Variants in NACC2 observed in about 807,000 individuals in gnomAD.
The protein encoded by NACC2 is nucleus accumbens-associated protein 2.
A neutral mutation model predicts 25.1 loss-of-function variants in NACC2; 8 were observed. The ratio of observed to expected loss-of-function variants is 0.32; its 90% CI spans 0.19 to 0.57. NACC2 has a LOEUF of 0.57. Among genes scored for constraint, NACC2 ranks in the 20% least tolerant of loss-of-function variants. The probability of loss-of-function intolerance (pLI) is 0.89; values close to 1 mark genes in which losing one functional copy is unlikely to be tolerated. For synonymous variants in NACC2, 435 were observed against 294.7 expected, an observed-to-expected ratio of 1.48 and a Z score of -4.88; for missense variants, 644 against 650.2, an observed-to-expected ratio of 0.99 and a Z score of 0.10.
chr9:136,033,939 GT>G (rs1840513849), intron 2 of NACC2, among the ~76,000 whole-genome samples: 1 of 149,592 alleles, frequency 6.7e-6, no homozygotes, highest in Admixed American at 6.7e-5. Flanking sequence ...GTGTGTGTGT[GT>G]GAGATATTTG....
In NACC2 at chr9:136,010,802, G is replaced by A. The variant is rs2037936335; in HGVS notation, c.*714C>T. ...GTCAGCGGTGCCCTGGGGGTCAGGG[G>A]ACCGAGGGGCTGCAGAGCCGAGACG... On this transcript the variant is annotated 3_prime_UTR_variant, in exon 6 of 6. Transcript: ENST00000277554. This position sits in a 1 kb window ranked among gnomAD's most constrained non-coding sequence, Gnocchi z 4.9. 1 of 152,364 alleles carries A rather than the reference G, an allele frequency of 6.6e-6. No homozygotes were observed. Among genetic ancestry groups the A allele is most frequent in the Admixed American group, 6.5e-5 (1 of 15,292 alleles). The allele number at this position is 152,364 out of a possible 1,614,324, so 9.4% of individuals were successfully genotyped here.
chr9:136,074,756 C>T (rs1830240960), intron 1 of NACC2, among the ~76,000 whole-genome samples: 1 of 152,126 alleles, frequency 6.6e-6, no homozygotes, highest in African/African-American at 2.4e-5. Flanking sequence ...CCCTGTGACT[C>T]CCAGAGGGCC....
chr9:136,041,524 G>A (rs1245497643), intron 2 of NACC2, among the ~76,000 whole-genome samples: 2 of 152,084 alleles, frequency 1.3e-5, no homozygotes, highest in Non-Finnish European at 2.9e-5. Context: ...TATATCATAC[G>A]ATTCCATTGA....
intron 3 of NACC2, 101 bp downstream of exon 3, chr9:136,016,164 A>G (rs1840200417): frequency 7.8e-7 from 1 of 1,289,228 alleles, no homozygotes; most frequent in Admixed American, 2.4e-5. Context: ...TTTTTTTTTG[A>G]CTGATTGGTG....
At chr9:136,094,644 G>A (rs976362778) in intron 1 of NACC2, among the ~76,000 whole-genome samples, 24 of 152,112 alleles carry the variant, frequency 1.6e-4, no homozygotes, top group African/African-American at 5.5e-4. Flanking sequence ...AGGCGCGGGA[G>A]GCGGTGACGA....
Position 136,049,597 on chromosome 9 carries a change from C to T in NACC2, c.886+39G>A, listed in dbSNP as rs1253049603. On this transcript the variant is annotated intron_variant, in intron 2 of 5. Transcript: ENST00000277554. ...CCCGGGTCCCAGGCAGGCCCCGCTT[C>T]CCAGCCAGGTGGTGTGGGGCTCCAC... 4 of 751,542 alleles carry T rather than the reference C, an allele frequency of 5.3e-6. No individual in the cohort carries two copies. The African/African-American group carries it at 6.9e-5, about 13-fold the overall frequency. 46.6% of individuals were successfully genotyped at this position (751,542 alleles called of 1,614,324 possible).
chr9:136,048,475 C>A (rs879116866), intron 2 of NACC2, among the ~76,000 whole-genome samples: 1 of 152,228 alleles, frequency 6.6e-6, no homozygotes, highest in Non-Finnish European at 1.5e-5. Context: ...CCCCCTACCA[C>A]TAAAAGAAAA....
chr9:136,036,961 A>T (rs1051637791), intron 2 of NACC2, among the ~76,000 whole-genome samples: 12 of 152,254 alleles, frequency 7.9e-5, no homozygotes, highest in African/African-American at 2.9e-4. Context: ...AAATTACTGC[A>T]AACATGAGAT....
chr9:136,034,268 A>T (rs1409187326), intron 2 of NACC2, among the ~76,000 whole-genome samples: 2 of 152,214 alleles, frequency 1.3e-5, no homozygotes, highest in African/African-American at 2.4e-5. Context: ...GCCCTGGATC[A>T]CAGCACACAC....
rs1332199950 is a variant in NACC2, at chr9:136,019,757, G to A, written c.887-3328C>T. ...GCAAACACAAGGACAAATGCTGCCC[G>A]GGGCGCGGGGTTGGGGCCTTCAGGG... On this transcript the variant is annotated intron_variant, in intron 2 of 5. Coordinates refer to ENST00000277554, the MANE Select transcript of NACC2 (RefSeq NM_144653.5). The surrounding 1 kb of genome is among the most constrained non-coding windows in gnomAD (Gnocchi z 5.2). 6.6e-6 allele frequency among the ~76,000 whole-genome samples: 1 copy of A among 152,112 alleles called. No homozygotes were observed. Among genetic ancestry groups the A allele is most frequent in the Non-Finnish European group, 1.5e-5 (1 of 68,014 alleles).
chr9:136,017,806 G>C (rs921269320), intron 2 of NACC2, among the ~76,000 whole-genome samples: 1 of 115,874 alleles, frequency 8.6e-6, no homozygotes, highest in Non-Finnish European at 1.8e-5. Context: ...GCCTTCACTA[G>C]GGAATCAATC....
Position 136,013,686 on chromosome 9 carries a change from C to T in NACC2, c.1157+178G>A, listed in dbSNP as rs1840149671. ...TTGAGAAAGGCCACGAAAGACAGCC[C>T]CTCCCTCCCTCCCTGGGAGCCTCTC... is the stretch of plus-strand genomic sequence containing the variant. On this transcript the variant is annotated intron_variant, in intron 4 of 5. Transcript: ENST00000277554. The surrounding 1 kb of genome is among the most constrained non-coding windows in gnomAD (Gnocchi z 6.6). Among the ~76,000 whole-genome samples the T allele has an allele frequency of 6.6e-6, 1 of 152,112 alleles. No individual in the cohort carries two copies. Among genetic ancestry groups the T allele is most frequent in the African/African-American group, 2.4e-5 (1 of 41,414 alleles).
In NACC2 at chr9:136,018,663, T is replaced by C. The variant is rs1214784708; in HGVS notation, c.887-2234A>G. ...CCAGAAAGGGGGCCTCAAAGGTGGGTGCACAGCCCCTGCCCGGCCACTACA... is the reference window on the plus strand; with the variant it reads ...CCAGAAAGGGGGCCTCAAAGGTGGGCGCACAGCCCCTGCCCGGCCACTACA... On this transcript the variant is annotated intron_variant, in intron 2 of 5. Transcript: ENST00000277554. The surrounding 1 kb of genome is among the most constrained non-coding windows in gnomAD (Gnocchi z 4.4). Among the ~76,000 whole-genome samples, 1 of 151,784 alleles carries C rather than the reference T, an allele frequency of 6.6e-6. No homozygotes were observed. The highest frequency in any genetic ancestry group is 1.5e-5 in the Non-Finnish European group (1 of 67,940).
At chr9:136,033,894 GGTGTGTGTGTGTGTGTGTGTGTGTGTGT>G (rs57460855) in intron 2 of NACC2, among the ~76,000 whole-genome samples, 1 of 136,950 alleles carries the variant, frequency 7.3e-6, no homozygotes, top group African/African-American at 2.8e-5. Context: ...AATTCCAGCA[GGTGTGTGTGTGTGTGTGTGTGTGTGTGT>G]GTGTGTGTGT....
Position 136,011,693 on chromosome 9 carries a change from G to A in NACC2, c.1587C>T (p.Gly529=), listed in dbSNP as rs756685962. The A allele has an allele frequency of 2.1e-4, 311 of 1,477,960 alleles. 3 individuals carry two copies. The East Asian group carries it at 7.1e-3, about 34-fold the overall frequency. 91.6% of individuals were successfully genotyped at this position (1,477,960 alleles called of 1,614,324 possible). The part of the protein sequence containing the change: ...SAAANPAFDA[G]EEVDGAGSVI... ...CCGAGCCAGCCCCGTCCACCTCCTC[G>A]CCGGCGTCGAAGGCGGGGTTGGCGG... The change falls in exon 6 of 6, where the codon GGC becomes GGT. Residue 529 remains glycine (G), a synonymous_variant. Transcript: ENST00000277554.
chr9:136,014,929 G>A (rs1840177815), intron 3 of NACC2, among the ~76,000 whole-genome samples: 1 of 152,062 alleles, frequency 6.6e-6, no homozygotes, highest in Non-Finnish European at 1.5e-5. Context: ...GGGAACAATG[G>A]GGAGGGAATG....
rs1201399601 is a variant in NACC2, at chr9:136,009,409, CACT to C, written c.*2104_*2106del. On this transcript the variant is annotated 3_prime_UTR_variant, in exon 6 of 6. Transcript: ENST00000277554. ...GCAGAAGGTCTGGATGCCTCTGCAC[CACT>C]GAGCCACCTGCAGCCCTAGGAATGC... is the stretch of plus-strand genomic sequence containing the variant. 2 of 152,326 alleles carry C rather than the reference CACT, an allele frequency of 1.3e-5. No individual in the cohort carries two copies. The highest frequency in any genetic ancestry group is 1.9e-4 in the East Asian group (1 of 5,204). 9.4% of individuals were successfully genotyped at this position (152,326 alleles called of 1,614,324 possible). A position where few individuals can be genotyped will look rare whatever the true frequency, so the allele number is the denominator to read the frequency against.
intron 1 of NACC2, among the ~76,000 whole-genome samples, chr9:136,067,267 CAA>C (rs58132081): frequency 1.4e-3 from 130 of 93,604 alleles, no homozygotes; most frequent in East Asian, 2.5e-3. Context: ...AACTCTGTCT[CAA>C]AAAAAAAAAA....
Position 136,060,368 on chromosome 9 carries a change from A to G in NACC2, c.-59-9788T>C, listed in dbSNP as rs149279095. Among the ~76,000 whole-genome samples, 154 of 152,394 alleles carry G rather than the reference A, an allele frequency of 1.0e-3. 1 individual carries two copies. The highest frequency in any genetic ancestry group is 2.0e-3 in the Non-Finnish European group (134 of 68,040). On this transcript the variant is annotated intron_variant, in intron 1 of 5. Coordinates refer to ENST00000277554, the MANE Select transcript of NACC2 (RefSeq NM_144653.5). ...GCTGGGCTGCCTTTAAGCCGGGGCC[A>G]TAAAAGGTAATTACCGATATGAAAA...
Sources: gnomAD v4.1 joint callset for allele counts (sites outside exome capture counted in the v4.1 genomes callset) on GRCh38, gnomAD v4.1.1 for gene constraint, Gnocchi (gnomAD v3.1) non-coding constraint, MANE v1.5 for transcripts, NCBI Gene and HGNC (gene_info 2026-07-23, HGNC 2026-07-21) for gene names.